Variants in PDZRN3 observed in about 807,000 individuals in gnomAD.
PDZRN3 encodes E3 ubiquitin-protein ligase PDZRN3.
In PDZRN3, 38 loss-of-function variants were observed where a neutral mutation model predicts 85.7. The ratio of observed to expected loss-of-function variants is 0.44; its 90% confidence interval spans 0.34 to 0.58. The LOEUF is 0.58. PDZRN3 is among the 20% of genes least tolerant of loss of function. The pLI is 0.01. For missense variants in PDZRN3, 1,629 were observed against 1,506.4 expected (o/e 1.08, Z -1.35); for synonymous variants, 759 against 638.0 (o/e 1.19, Z -2.86).
chr3:73,621,614 G>C (rs1702862550), intron 1 of PDZRN3: 1 of 152,156 alleles, frequency 6.6e-6, no homozygotes, highest in South Asian at 2.1e-4. Flanking sequence ...GTTAATTTCG[G>C]GGCAAGGAGA....
intron 4 of PDZRN3, among the ~76,000 whole-genome samples, chr3:73,403,038 G>T (rs928752240): frequency 3.3e-5 from 5 of 150,590 alleles, no homozygotes; most frequent in Admixed American, 2.0e-4. Flanking sequence ...CCGCCTCCCG[G>T]GTTCACGCCA....
chr3:73,587,359 T>C (rs989679352), intron 3 of PDZRN3, among the ~76,000 whole-genome samples: 3 of 152,214 alleles, frequency 2.0e-5, no homozygotes, highest in Admixed American at 1.3e-4. Flanking sequence ...TTTCTTACTG[T>C]AGGTCAGTAC....
At chr3:73,488,837 G>A (rs905444379) in intron 3 of PDZRN3, among the ~76,000 whole-genome samples, 1 of 152,170 alleles carries the variant, frequency 6.6e-6, no homozygotes, top group Non-Finnish European at 1.5e-5. Flanking sequence ...CATGCACTGG[G>A]GACCTGGAGG....
chr3:73,594,191 T>C (rs1160070467), intron 3 of PDZRN3, among the ~76,000 whole-genome samples: 1 of 152,128 alleles, frequency 6.6e-6, no homozygotes, highest in Non-Finnish European at 1.5e-5. Flanking sequence ...AATTAATACA[T>C]AATATATTGT....
chr3:73,500,167 G>T (rs562227799), intron 3 of PDZRN3, among the ~76,000 whole-genome samples: 2 of 151,904 alleles, frequency 1.3e-5, no homozygotes, highest in African/African-American at 4.8e-5. Context: ...GTGATCCTCC[G>T]CCTCCCAAGT....
intron 1 of PDZRN3, among the ~76,000 whole-genome samples, chr3:73,612,755 G>A (rs1462273358): frequency 6.6e-6 from 1 of 152,210 alleles, no homozygotes; most frequent in Admixed American, 6.5e-5. Context: ...CAACATCAGA[G>A]TCAGAACCTG....
At chr3:73,467,517 C>T (rs1019007882) in intron 3 of PDZRN3, among the ~76,000 whole-genome samples, 1 of 152,218 alleles carries the variant, frequency 6.6e-6, no homozygotes, top group Non-Finnish European at 1.5e-5. Context: ...GAAGGAAAGG[C>T]AGGCCTTGAG....
intron 3 of PDZRN3, among the ~76,000 whole-genome samples, chr3:73,582,829 G>A (rs1351998332): frequency 6.6e-6 from 1 of 152,134 alleles, no homozygotes; most frequent in African/African-American, 2.4e-5. Flanking sequence ...AAATGAAATA[G>A]CACATTAGGA....
chr3:73,463,040 G>GTT (rs1380023425), intron 3 of PDZRN3, among the ~76,000 whole-genome samples: 1 of 152,142 alleles, frequency 6.6e-6, no homozygotes, highest in Non-Finnish European at 1.5e-5. Flanking sequence ...GAAAGGAATA[G>GTT]GAAAGAGAGA....
intron 3 of PDZRN3, among the ~76,000 whole-genome samples, chr3:73,425,833 C>T (rs962500689): frequency 3.3e-5 from 5 of 152,072 alleles, no homozygotes; most frequent in African/African-American, 1.2e-4. Flanking sequence ...ACCTGAAAGC[C>T]CCCCAGATGT....
chr3:73,575,723 T>A (rs1702113332), intron 3 of PDZRN3, among the ~76,000 whole-genome samples: 1 of 152,184 alleles, frequency 6.6e-6, no homozygotes, highest in African/African-American at 2.4e-5. Flanking sequence ...TCTGCAGCCA[T>A]CAGATGACGG....
At chr3:73,466,770 C>T (rs529886924) in intron 3 of PDZRN3, among the ~76,000 whole-genome samples, 1 of 152,238 alleles carries the variant, frequency 6.6e-6, no homozygotes, top group African/African-American at 2.4e-5. Context: ...AAACCATACA[C>T]CCCCAATGAG....
At position 73,396,912 on chromosome 3, in the gene PDZRN3, G is replaced by A. The variant is rs552102945; in HGVS notation, c.1254+4010C>T. On this transcript the variant is annotated intron_variant, in intron 5 of 9. Coordinates refer to ENST00000263666, the MANE Select transcript of PDZRN3 (RefSeq NM_015009.3). ...TGCTCAACCCTAGGGTACACTGGGT[G>A]TAATCCCTTTAACTCTAAGCAGTCT... Among the ~76,000 whole-genome samples, 8 of 152,054 alleles carry A rather than the reference G, an allele frequency of 5.3e-5. No individual in the cohort carries two copies. In the South Asian group the frequency reaches 6.2e-4, roughly 12 times the overall value.
In PDZRN3 at chr3:73,582,589, G is replaced by C. The variant is rs112858669; in HGVS notation, c.918+19765C>G. 2.7e-4 allele frequency among the ~76,000 whole-genome samples: 41 copies of C among 151,832 alleles called. No homozygotes were observed. In the East Asian group the frequency reaches 7.0e-3, roughly 26 times the overall value. The stretch of plus-strand genomic sequence containing the variant: ...CAGTTTTGTATATACTTGTTCACTC[G>C]AAGAGGCTCCAACAACTTAATGAGG... On this transcript the variant is annotated intron_variant, in intron 3 of 9. Transcript: ENST00000263666.
At chr3:73,511,435 T>G (rs1704162845) in intron 3 of PDZRN3, among the ~76,000 whole-genome samples, 1 of 152,162 alleles carries the variant, frequency 6.6e-6, no homozygotes, top group South Asian at 2.1e-4. Flanking sequence ...AGAGCTGGGT[T>G]TCCAGGGGGT....
chr3:73,383,625 G>A lies in PDZRN3; in HGVS notation c.2941C>T (p.His981Tyr), dbSNP rs759016435. ...CGCTGCTCCTTGGCCTTCACCAGGT[G>A]CTGCTTCCTCTCCTCCTTGCTCCAG... ...RYWSKEERKQ[H>Y]LVKAKEQRRR... The change falls in exon 10 of 10, where the codon CAC (histidine) becomes TAC (tyrosine). Residue 981 changes from histidine to tyrosine, a missense_variant. Transcript: ENST00000263666. 1 of 1,613,788 alleles carries A rather than the reference G, an allele frequency of 6.2e-7. No individual in the cohort carries two copies. Among genetic ancestry groups the A allele is most frequent in the African/African-American group, 1.3e-5 (1 of 75,038 alleles).
chr3:73,388,604 T>G (rs1576022309), intron 7 of PDZRN3, among the ~76,000 whole-genome samples: 1 of 151,952 alleles, frequency 6.6e-6, no homozygotes, highest in East Asian at 1.9e-4. Flanking sequence ...TCTTGCAGGA[T>G]TTTTGCTTGC....
In PDZRN3 at chr3:73,383,251, T is replaced by TAAAC; in HGVS notation, c.*110_*113dup. The TAAAC allele has an allele frequency of 2.0e-6, 2 of 1,019,070 alleles. No homozygotes were observed. The highest frequency in any genetic ancestry group is 2.9e-6 in the Non-Finnish European group (2 of 688,960). 63.1% of individuals were successfully genotyped at this position (1,019,070 alleles called of 1,614,324 possible). On this transcript the variant is annotated 3_prime_UTR_variant, in exon 10 of 10. Transcript: ENST00000263666. ...TTGTAGGGTTTGCAAATTTGGACTATAAACATGAAGACCGTACTTATCTTA... is the reference window on the plus strand; with the variant it reads ...TTGTAGGGTTTGCAAATTTGGACTATAAACAAACATGAAGACCGTACTTATCTTA...
intron 3 of PDZRN3, among the ~76,000 whole-genome samples, chr3:73,407,523 C>G (rs1701878631): frequency 6.6e-6 from 1 of 152,154 alleles, no homozygotes; most frequent in Non-Finnish European, 1.5e-5. Context: ...GTGTAAATAT[C>G]ACATAGATAT....
Sources: gnomAD v4.1 joint callset for allele counts (sites outside exome capture counted in the v4.1 genomes callset) on GRCh38, gnomAD v4.1.1 for gene constraint, MANE v1.5 for transcripts, NCBI Gene and HGNC (gene_info 2026-07-23, HGNC 2026-07-21) for gene names.